Variants in SLC44A2 observed in about 807,000 individuals in gnomAD.
SLC44A2 encodes solute carrier family 44 member 2 (CTL2 blood group).
In SLC44A2, 57 loss-of-function variants were observed where a neutral mutation model predicts 90.8. The observed-to-expected ratio is 0.63, with a 90% CI of 0.51 to 0.78. SLC44A2 has a LOEUF of 0.78. Among genes scored for constraint, SLC44A2 ranks in the 30% least tolerant of loss-of-function variants. The pLI is 0.00. For missense variants in SLC44A2, 794 were observed against 919.7 expected, an observed-to-expected ratio of 0.86 and a Z score of 1.77; for synonymous variants, 355 against 360.7, an observed-to-expected ratio of 0.98 and a Z score of 0.18.
intron 1 of SLC44A2, among the ~76,000 whole-genome samples, chr19:10,620,503 G>A (rs2066888102): frequency 6.6e-6 from 1 of 152,058 alleles, no homozygotes; most frequent in African/African-American, 2.4e-5. Flanking sequence ...TTTAAAATAT[G>A]TACCCTTAGA....
Position 10,634,844 on chromosome 19 carries a change from T to C in SLC44A2, c.912T>C (p.Asp304=). Residue 304 remains aspartate (D), a synonymous_variant, in exon 11 of 22, where the codon GAT becomes GAC. Transcript: ENST00000335757. ...TGGTGGACCTCGGCTTTCAGACGGA[T>C]TTCCGGGTGTACCTGCACTTACGGC... ...VSLVDLGFQT[D]FRVYLHLRQT... 1 of 1,614,104 alleles carries C rather than the reference T, an allele frequency of 6.2e-7. No homozygotes were observed. The highest frequency in any genetic ancestry group is 8.5e-7 in the Non-Finnish European group (1 of 1,180,022).
intron 4 of SLC44A2, 77 bp downstream of exon 4, chr19:10,628,081 G>A (rs1375342452): frequency 5.2e-6 from 7 of 1,352,866 alleles, no homozygotes; most frequent in African/African-American, 1.4e-5. Context: ...ATCTCTCTAA[G>A]TCCAGTTAAC....
chr19:10,641,824 C>T (rs940744388), intron 20 of SLC44A2, among the ~76,000 whole-genome samples: 61 of 149,366 alleles, frequency 4.1e-4, no homozygotes, highest in Admixed American at 1.6e-3. Flanking sequence ...CCAGCCTGGG[C>T]TACAGAGTGA....
intron 20 of SLC44A2, among the ~76,000 whole-genome samples, chr19:10,639,903 G>A (rs1003102455): frequency 5.9e-5 from 9 of 151,820 alleles, no homozygotes; most frequent in African/African-American, 1.9e-4. Context: ...GTGGAGATAC[G>A]GCCAAGGAGG....
chr19:10,624,791 C>G (rs887724562), upstream of SLC44A2, among the ~76,000 whole-genome samples: 4 of 152,212 alleles, frequency 2.6e-5, no homozygotes, highest in South Asian at 2.1e-4. Context: ...TGGTTCCTCA[C>G]TGTATGCGGT....
At chr19:10,641,906 C>A (rs2067120286) in intron 20 of SLC44A2, among the ~76,000 whole-genome samples, 1 of 151,790 alleles carries the variant, frequency 6.6e-6, no homozygotes, top group African/African-American at 2.4e-5. Flanking sequence ...GCCTGTAATC[C>A]CAGCACTTTG....
chr19:10,631,649 A>C lies in SLC44A2; in HGVS notation c.526A>C (p.Ile176Leu), dbSNP rs768234084. 1 of 1,613,746 alleles carries C rather than the reference A, an allele frequency of 6.2e-7. No individual in the cohort carries two copies. Among genetic ancestry groups the C allele is most frequent in the South Asian group, 1.1e-5 (1 of 91,088 alleles). The change falls in exon 8 of 22, where the codon ATC becomes CTC. Residue 176 changes from isoleucine (I) to leucine (L), a missense_variant. Physicochemically the swap from Ile to Leu is conservative, Grantham distance 5 (BLOSUM62 2). Transcript: ENST00000335757. ...AGTGGCCCGGAGATGCTTCCCCGCTATCCACGCCTACAAGGGTGTCCTGAT... is the reference window on the plus strand; with the variant it reads ...AGTGGCCCGGAGATGCTTCCCCGCTCTCCACGCCTACAAGGGTGTCCTGAT... Reference protein sequence around the residue: ...KPLARRCFPAIHAYKGVLMVG... With the variant: ...KPLARRCFPALHAYKGVLMVG...
chr19:10,627,644 G>A (rs747748662), intron 2 of SLC44A2, 78 bp from the exon 3 acceptor site: 31 of 1,459,106 alleles, frequency 2.1e-5, no homozygotes, highest in Middle Eastern at 2.4e-4. Context: ...CATGGATGAG[G>A]GTGTTTGCAG....
chr19:10,636,188 A>T (rs765588188), intron 14 of SLC44A2, 135 bp from the exon 15 acceptor site: 125 of 1,082,458 alleles, frequency 1.2e-4, no homozygotes, highest in Non-Finnish European at 1.6e-4. Flanking sequence ...TGAACTCTTA[A>T]TTCCTTCCCT....
intron 4 of SLC44A2, among the ~76,000 whole-genome samples, chr19:10,630,428 G>A (rs1297709397): frequency 6.6e-6 from 1 of 151,724 alleles, no homozygotes; most frequent in Non-Finnish European, 1.5e-5. Context: ...AGGCTGAGGC[G>A]GGTGGATCAC....
chr19:10,617,202 G>A (rs188550869), intron 1 of SLC44A2, among the ~76,000 whole-genome samples: 12 of 152,258 alleles, frequency 7.9e-5, no homozygotes, highest in Admixed American at 3.3e-4. Flanking sequence ...TTACAGGCAT[G>A]AGCAACCACG....
In SLC44A2 at chr19:10,635,652, G is replaced by A. The variant is rs572681768; in HGVS notation, c.1233+137G>A. 1.7e-4 allele frequency: 126 copies of A among 743,210 alleles called. No homozygotes were observed. The African/African-American group carries it at 1.9e-3, about 11-fold the overall frequency. 46.0% of individuals were successfully genotyped at this position (743,210 alleles called of 1,614,324 possible). On this transcript the variant is annotated intron_variant, in intron 14 of 21. Coordinates refer to ENST00000335757, the MANE Select transcript of SLC44A2 (RefSeq NM_020428.4). Reference sequence around the variant, plus strand: ...TCCTGTGCTAGGTGTGGGGGAGGACGCACAGTGGGGAAGAGACTCTCTAAC... The same window carrying A: ...TCCTGTGCTAGGTGTGGGGGAGGACACACAGTGGGGAAGAGACTCTCTAAC...
chr19:10,616,447 T>C (rs1328164168), intron 1 of SLC44A2, among the ~76,000 whole-genome samples: 1 of 152,024 alleles, frequency 6.6e-6, no homozygotes, highest in Non-Finnish European at 1.5e-5. Flanking sequence ...AGAGACGAGG[T>C]CTTGCCTGTT....
chr19:10,621,429 T>TG (rs1338528052), upstream of SLC44A2, among the ~76,000 whole-genome samples: 3 of 142,214 alleles, frequency 2.1e-5, no homozygotes, highest in African/African-American at 7.9e-5. Context: ...GGTGTTTTTT[T>TG]TTTTTTTTTT....
Position 10,626,291 on chromosome 19 carries a change from A to T in SLC44A2, c.76A>T (p.Ile26Phe). The T allele has an allele frequency of 6.2e-7, 1 of 1,612,772 alleles. No homozygotes were observed. Among genetic ancestry groups the T allele is most frequent in the Non-Finnish European group, 8.5e-7 (1 of 1,178,818 alleles). ...QKYDPTFKGPIYNRGCTDIIC... is the reference protein window; with the variant it reads ...QKYDPTFKGPFYNRGCTDIIC... Reference sequence around the variant, plus strand: ...GTATGATCCCACTTTCAAAGGACCCATTTACAATAGGTAAGAGCTCTGGGT... The same window carrying T: ...GTATGATCCCACTTTCAAAGGACCCTTTTACAATAGGTAAGAGCTCTGGGT... The change falls in exon 2 of 22, where the codon ATT (isoleucine) becomes TTT (phenylalanine). Residue 26 changes from isoleucine to phenylalanine, a missense_variant. By Grantham distance (21) the Ile-to-Phe change is conservative. Around this residue, in one of 3 missense-constraint regions of SLC44A2, gnomAD observed 738 missense variants for 841.1 expected, o/e 0.88. Coordinates refer to ENST00000335757, the MANE Select transcript of SLC44A2 (RefSeq NM_020428.4).
intron 2 of SLC44A2, among the ~76,000 whole-genome samples, chr19:10,627,316 C>A: frequency 6.8e-6 from 1 of 147,316 alleles, no homozygotes; most frequent in African/African-American, 2.6e-5. Flanking sequence ...GTGAGATTCC[C>A]TCTCAAAAAA....
At chr19:10,631,827 T>C (rs2144860357) in intron 8 of SLC44A2, 41 bp from the exon 9 acceptor site, 1 of 1,614,198 alleles carries the variant, frequency 6.2e-7, no homozygotes, top group Non-Finnish European at 8.5e-7. Flanking sequence ...GGCCTGATCA[T>C]GGAAGAGGGT....
chr19:10,635,119 G>C, intron 12 of SLC44A2, 44 bp from the exon 13 acceptor site: 1 of 1,613,764 alleles, frequency 6.2e-7, no homozygotes, highest in African/African-American at 1.3e-5. Flanking sequence ...TGTCCCTAGA[G>C]TTGTGTCTTT....
intron 20 of SLC44A2, among the ~76,000 whole-genome samples, chr19:10,642,156 CAAA>C (rs373634246): frequency 5.4e-5 from 4 of 74,414 alleles, no homozygotes; most frequent in Admixed American, 1.5e-4. Context: ...GATTCCGTCT[CAAA>C]AAAAAAAAAA....
Sources: gnomAD v4.1 joint callset for allele counts (sites outside exome capture counted in the v4.1 genomes callset) on GRCh38, gnomAD v4.1.1 for gene constraint, gnomAD v4.1.1 regional missense constraint, MANE v1.5 for transcripts, NCBI Gene and HGNC (gene_info 2026-07-23, HGNC 2026-07-21) for gene names.